Variants in TENM3 observed in about 807,000 individuals in gnomAD.
TENM3 encodes teneurin transmembrane protein 3.
Under a neutral mutation model 255.1 loss-of-function variants are expected in TENM3, and 63 were observed. The ratio of observed to expected loss-of-function variants is 0.25; its 90% CI spans 0.20 to 0.30. The LOEUF is 0.30. Among genes scored for constraint, TENM3 ranks in the 10% least tolerant of loss-of-function variants. The pLI is 1.00. For missense variants in TENM3, 2,929 were observed against 3,461.1 expected (o/e 0.85, Z 3.86); for synonymous variants, 1,306 against 1,322.3 (o/e 0.99, Z 0.27).
chr4:182,128,572 C>G, the TENM3 span, among the ~76,000 whole-genome samples: 2 of 152,136 alleles, frequency 1.3e-5, no homozygotes, highest in African/African-American at 4.8e-5. Flanking sequence ...TATTAAGATT[C>G]AAGTTTTCTT....
chr4:182,318,322 A>G (rs1419704424), intron 1 of TENM3, among the ~76,000 whole-genome samples: 1 of 152,152 alleles, frequency 6.6e-6, no homozygotes, highest in Non-Finnish European at 1.5e-5. Context: ...AATTGTAATC[A>G]TTGGCATCAA....
intron 3 of TENM3, among the ~76,000 whole-genome samples, chr4:182,375,452 T>C (rs1346833564): frequency 1.3e-5 from 2 of 152,338 alleles, no homozygotes; most frequent in Middle Eastern, 3.4e-3. Context: ...GAAAGGTTTT[T>C]ATTTTCCTAG....
chr4:181,491,019 A>G, the TENM3 span, among the ~76,000 whole-genome samples: 6 of 152,116 alleles, frequency 3.9e-5, no homozygotes, highest in African/African-American at 1.4e-4. Flanking sequence ...TCATTTTGTA[A>G]TATCTTGCAA....
At chr4:181,972,931 A>G in the TENM3 span, among the ~76,000 whole-genome samples, 1 of 149,794 alleles carries the variant, frequency 6.7e-6, no homozygotes, top group Non-Finnish European at 1.5e-5. Flanking sequence ...TGGTTTTGCC[A>G]AAAAAAAAAT....
At chr4:182,427,335 G>A (rs960245660) in intron 3 of TENM3, among the ~76,000 whole-genome samples, 3 of 152,090 alleles carry the variant, frequency 2.0e-5, no homozygotes, top group Non-Finnish European at 2.9e-5. Context: ...AACTTTACAC[G>A]ACCAAAAGGG....
the TENM3 span, among the ~76,000 whole-genome samples, chr4:182,076,467 G>T: frequency 6.6e-6 from 1 of 152,114 alleles, no homozygotes; most frequent in African/African-American, 2.4e-5. Flanking sequence ...CTCCCAAAGC[G>T]CTGGGATTAC....
chr4:182,337,308 T>A (rs1316252534), intron 2 of TENM3, among the ~76,000 whole-genome samples: 1 of 152,192 alleles, frequency 6.6e-6, no homozygotes, highest in Admixed American at 6.5e-5. Context: ...TCACAGAGAC[T>A]TGTCTCTAGA....
At chr4:181,998,842 C>A in the TENM3 span, among the ~76,000 whole-genome samples, 4 of 152,182 alleles carry the variant, frequency 2.6e-5, no homozygotes, top group Admixed American at 6.5e-5. Flanking sequence ...GGAATATAGG[C>A]ATTTTATCAG....
intron 3 of TENM3, among the ~76,000 whole-genome samples, chr4:182,417,130 C>A (rs181992801): frequency 6.6e-6 from 1 of 151,918 alleles, no homozygotes; most frequent in African/African-American, 2.4e-5. Context: ...CCTGCCACCA[C>A]GCCCAGCTAA....
the TENM3 span, among the ~76,000 whole-genome samples, chr4:181,560,500 C>T: frequency 2.0e-5 from 3 of 152,160 alleles, no homozygotes; most frequent in Non-Finnish European, 4.4e-5. Context: ...GAAAGGAGAT[C>T]AATTCCTCCT....
intron 3 of TENM3, among the ~76,000 whole-genome samples, chr4:182,508,953 G>A (rs1269166949): frequency 6.6e-6 from 1 of 152,218 alleles, no homozygotes; most frequent in Non-Finnish European, 1.5e-5. Flanking sequence ...ATGTAAAAAT[G>A]TGGCAGTATG....
At chr4:182,589,878 G>A (rs1165562948) in intron 3 of TENM3, among the ~76,000 whole-genome samples, 1 of 152,090 alleles carries the variant, frequency 6.6e-6, no homozygotes, top group African/African-American at 2.4e-5. Context: ...GGAGGCTGAG[G>A]CAGGAGAATC....
chr4:182,553,656 G>T (rs1253699827), intron 3 of TENM3, among the ~76,000 whole-genome samples: 1 of 152,084 alleles, frequency 6.6e-6, no homozygotes, highest in African/African-American at 2.4e-5. Flanking sequence ...TGCTAGGGAC[G>T]ATGTCTACTA....
chr4:181,715,529 A>G, the TENM3 span, among the ~76,000 whole-genome samples: 2 of 152,216 alleles, frequency 1.3e-5, no homozygotes, highest in African/African-American at 4.8e-5. Context: ...TCCTAAATTC[A>G]TGTTTCTTTA....
chr4:182,052,813 C>G, the TENM3 span, among the ~76,000 whole-genome samples: 1 of 152,000 alleles, frequency 6.6e-6, no homozygotes, highest in Non-Finnish European at 1.5e-5. Context: ...AATATAAACT[C>G]ATTTCTCCAC....
intron 3 of TENM3, among the ~76,000 whole-genome samples, chr4:182,454,390 A>G (rs550052338): frequency 6.6e-6 from 1 of 152,132 alleles, no homozygotes; most frequent in Admixed American, 6.5e-5. Context: ...ATATGGAAAT[A>G]CCCCTTCATT....
At chr4:181,535,459 G>T in the TENM3 span, among the ~76,000 whole-genome samples, 3 of 152,142 alleles carry the variant, frequency 2.0e-5, no homozygotes, top group Admixed American at 2.0e-4. Flanking sequence ...TAACTGAGCT[G>T]CCATTGCCAT....
intron 13 of TENM3, among the ~76,000 whole-genome samples, chr4:182,720,766 C>CTTTTTTT (rs11369655): frequency 6.9e-5 from 9 of 129,804 alleles, no homozygotes; most frequent in Non-Finnish European, 9.8e-5. Context: ...AGTCTCCCCT[C>CTTTTTTT]TTTTTTTTTT....
intron 5 of TENM3, among the ~76,000 whole-genome samples, chr4:182,635,026 A>G (rs980586691): frequency 1.3e-5 from 2 of 152,348 alleles, no homozygotes; most frequent in Admixed American, 6.5e-5. Flanking sequence ...TCAGACTTCA[A>G]ATAACACCGT....
Sources: gnomAD v4.1 joint callset for allele counts (sites outside exome capture counted in the v4.1 genomes callset) on GRCh38, gnomAD v4.1.1 for gene constraint, MANE v1.5 for transcripts, NCBI Gene and HGNC (gene_info 2026-07-23, HGNC 2026-07-21) for gene names.